FGF10: variants seen among roughly 807,000 people sequenced by gnomAD.
The protein encoded by FGF10 is fibroblast growth factor 10.
A neutral mutation model predicts 19.8 loss-of-function variants in FGF10; 2 were observed. The ratio of observed to expected loss-of-function variants is 0.10; its 90% CI spans 0.04 to 0.32. The LOEUF is 0.32. FGF10 is among the 10% of genes least tolerant of loss of function. The pLI is 1.00. For synonymous variants in FGF10, 112 were observed against 94.0 expected (o/e 1.19, Z -1.10); for missense variants, 191 against 246.3 (o/e 0.78, Z 1.50).
Position 44,309,837 on chromosome 5 carries a change from G to T in FGF10, c.429+590C>A, listed in dbSNP as rs116279717. Among the ~76,000 whole-genome samples, 534 of 152,124 alleles carry T rather than the reference G, an allele frequency of 3.5e-3. 6 individuals are homozygous for T. The highest frequency in any genetic ancestry group is 0.012 in the African/African-American group (515 of 41,538). On this transcript the variant is annotated intron_variant, in intron 2 of 2. Coordinates refer to ENST00000264664, the MANE Select transcript of FGF10 (RefSeq NM_004465.2). Reference sequence around the variant, plus strand: ...ATGGATGTGCCCAAAGCACTGCAGGGATACCTGCTCCACAAGGACCCTATT... The same window carrying T: ...ATGGATGTGCCCAAAGCACTGCAGGTATACCTGCTCCACAAGGACCCTATT...
Position 44,302,771 on chromosome 5 carries a change from T to G in FGF10, c.*2224A>C, listed in dbSNP as rs1210054649. ...TTTTGCTAGAAGCTGTTTTAGTGTC[T>G]TGAGTACTATAATGATGACTGTTTA... On this transcript the variant is annotated 3_prime_UTR_variant, in exon 3 of 3. Coordinates refer to ENST00000264664, the MANE Select transcript of FGF10 (RefSeq NM_004465.2). 6.7e-6 allele frequency among the ~76,000 whole-genome samples: 1 copy of G among 149,318 alleles called. No homozygotes were observed. Among genetic ancestry groups the G allele is most frequent in the Non-Finnish European group, 1.5e-5 (1 of 66,048 alleles).
At chr5:44,364,500 G>T (rs977809567) in intron 1 of FGF10, among the ~76,000 whole-genome samples, 1 of 151,838 alleles carries the variant, frequency 6.6e-6, no homozygotes, top group Non-Finnish European at 1.5e-5. Flanking sequence ...GATGCTGCTA[G>T]ATGTGCTACA....
At chr5:44,330,696 G>A (rs982234886) in intron 1 of FGF10, among the ~76,000 whole-genome samples, 13 of 152,132 alleles carry the variant, frequency 8.5e-5, no homozygotes, top group African/African-American at 3.1e-4. Context: ...TGAAGGTAAA[G>A]CATATTAAAT....
At chr5:44,339,573 A>G (rs1449853444) in intron 1 of FGF10, among the ~76,000 whole-genome samples, 3 of 152,228 alleles carry the variant, frequency 2.0e-5, no homozygotes, top group Admixed American at 6.6e-5. Flanking sequence ...CCTTCTATCA[A>G]CACTCTATTT....
At chr5:44,362,049 C>T (rs528754331) in intron 1 of FGF10, among the ~76,000 whole-genome samples, 8 of 151,726 alleles carry the variant, frequency 5.3e-5, no homozygotes, top group Admixed American at 3.9e-4. Flanking sequence ...CTCTAAAAAG[C>T]CATGCCAAAC....
intron 1 of FGF10, among the ~76,000 whole-genome samples, chr5:44,371,671 T>A (rs1470215622): frequency 1.3e-5 from 2 of 152,142 alleles, no homozygotes; most frequent in Admixed American, 6.6e-5. Context: ...GCTTTTGTAG[T>A]GCCTAGCAGT....
rs140105896 is a variant in FGF10 at position 44,304,913 on chromosome 5, A to G, written c.*82T>C. The stretch of plus-strand genomic sequence containing the variant: ...ATCTGCAACGTGTCTTTGCCTTTCA[A>G]TCTACTGTCTTCATGAAGAATATCC... On this transcript the variant is annotated 3_prime_UTR_variant, in exon 3 of 3. Coordinates refer to ENST00000264664, the MANE Select transcript of FGF10 (RefSeq NM_004465.2). The G allele has an allele frequency of 1.5e-5, 21 of 1,403,740 alleles. No homozygotes were observed. The African/African-American group carries it at 2.5e-4, about 17-fold the overall frequency. The allele number at this position is 1,403,740 out of a possible 1,614,324, so 87.0% of individuals were successfully genotyped here. A position where few individuals can be genotyped will look rare whatever the true frequency, so the allele number is the denominator to read the frequency against.
Position 44,300,990 on chromosome 5 carries a change from T to TA in FGF10, c.*4004dup, listed in dbSNP as rs1160643521. On this transcript the variant is annotated 3_prime_UTR_variant, in exon 3 of 3. Coordinates refer to ENST00000264664, the MANE Select transcript of FGF10 (RefSeq NM_004465.2). ...CTAGAAGCAATCTGGCCTAACCAAA[T>TA]AAAACCAATGAAGGGTAACAGAAAA... 1.3e-5 allele frequency among the ~76,000 whole-genome samples: 2 copies of TA among 152,238 alleles called. No homozygotes were observed. Among genetic ancestry groups the TA allele is most frequent in the South Asian group, 4.2e-4 (2 of 4,818 alleles).
At chr5:44,321,911 C>T (rs1236778725) in intron 1 of FGF10, among the ~76,000 whole-genome samples, 2 of 152,044 alleles carry the variant, frequency 1.3e-5, no homozygotes, top group Non-Finnish European at 2.9e-5. Context: ...ATAGGGTGCC[C>T]ATCACCATGC....
rs17227592 is a variant in FGF10 at position 44,373,325 on chromosome 5, C to T, written c.325+15033G>A. Among the ~76,000 whole-genome samples, 52 of 152,280 alleles carry T rather than the reference C, an allele frequency of 3.4e-4. No homozygotes were observed. In the South Asian group the frequency reaches 5.4e-3, roughly 16 times the overall value. On this transcript the variant is annotated intron_variant, in intron 1 of 2. Transcript: ENST00000264664. ...TAGCCTTCTCTTCAGAGCATGCTTTCCTAACAGTGAATCTCCCAACTTAGC... is the reference window on the plus strand; with the variant it reads ...TAGCCTTCTCTTCAGAGCATGCTTTTCTAACAGTGAATCTCCCAACTTAGC...
At chr5:44,356,563 G>C (rs779310051) in intron 1 of FGF10, among the ~76,000 whole-genome samples, 11 of 151,286 alleles carry the variant, frequency 7.3e-5, no homozygotes, top group Non-Finnish European at 1.5e-4. Context: ...ATGCAATGGA[G>C]TTTGTGTCTG....
chr5:44,367,938 A>G (rs1205844905), intron 1 of FGF10, among the ~76,000 whole-genome samples: 1 of 151,946 alleles, frequency 6.6e-6, no homozygotes, highest in South Asian at 2.1e-4. Context: ...AAGAACACAT[A>G]TGTTGATTAA....
intron 1 of FGF10, among the ~76,000 whole-genome samples, chr5:44,320,248 G>A (rs1740452367): frequency 6.6e-6 from 1 of 152,104 alleles, no homozygotes; most frequent in Non-Finnish European, 1.5e-5. Flanking sequence ...AACCCTATCT[G>A]TGCTGCATCT....
chr5:44,310,567 C>T (rs754691079), intron 1 of FGF10, 37 bp from the exon 2 acceptor site: 1 of 1,406,074 alleles, frequency 7.1e-7, no homozygotes, highest in East Asian at 2.3e-5. Context: ...AATAAAGAAT[C>T]CTAAATATAT....
At chr5:44,337,113 T>G (rs1352435412) in intron 1 of FGF10, among the ~76,000 whole-genome samples, 3 of 150,392 alleles carry the variant, frequency 2.0e-5, no homozygotes, top group Non-Finnish European at 4.4e-5. Context: ...ATCTAGTGGT[T>G]TCACCTGTGA....
At chr5:44,315,335 G>A (rs1241010842) in intron 1 of FGF10, among the ~76,000 whole-genome samples, 2 of 152,064 alleles carry the variant, frequency 1.3e-5, no homozygotes, top group Non-Finnish European at 2.9e-5. Context: ...GGGGGGATTT[G>A]GGAAGTTGAG....
intron 1 of FGF10, among the ~76,000 whole-genome samples, chr5:44,326,045 A>G (rs1178168064): frequency 6.6e-6 from 1 of 152,200 alleles, no homozygotes; most frequent in Non-Finnish European, 1.5e-5. Context: ...AAAGCATTTA[A>G]AAATAAAAAT....
At chr5:44,369,094 A>G (rs1413479043) in intron 1 of FGF10, among the ~76,000 whole-genome samples, 1 of 152,126 alleles carries the variant, frequency 6.6e-6, no homozygotes, top group Non-Finnish European at 1.5e-5. Context: ...AAGAAATGTC[A>G]CTTACATAGA....
chr5:44,311,533 A>G (rs188777031), intron 1 of FGF10, among the ~76,000 whole-genome samples: 12 of 152,226 alleles, frequency 7.9e-5, no homozygotes, highest in African/African-American at 2.9e-4. Context: ...GAAGTGTCCC[A>G]TGACTCAATT....
Sources: gnomAD v4.1 joint callset for allele counts (sites outside exome capture counted in the v4.1 genomes callset) on GRCh38, gnomAD v4.1.1 for gene constraint, MANE v1.5 for transcripts, NCBI Gene and HGNC (gene_info 2026-07-23, HGNC 2026-07-21) for gene names.